RSPO4: variants seen among roughly 807,000 people sequenced by gnomAD.
The protein encoded by RSPO4 is R-spondin-4.
In RSPO4, 23 loss-of-function variants were observed where a neutral mutation model predicts 24.8. The ratio of observed to expected loss-of-function variants is 0.93; its 90% CI spans 0.67 to 1.31. RSPO4 has a LOEUF of 1.31. RSPO4 is among the 40% of genes most tolerant of loss of function. RSPO4 has a pLI of 0.00. For missense variants in RSPO4, 333 were observed against 316.5 expected (o/e 1.05, Z -0.39); for synonymous variants, 141 against 127.4 (o/e 1.11, Z -0.72).
intron 1 of RSPO4, among the ~76,000 whole-genome samples, chr20:989,870 G>A (rs773632971): frequency 3.3e-5 from 5 of 152,204 alleles, no homozygotes; most frequent in Admixed American, 1.3e-4. Context: ...AGCTCTGGCC[G>A]ATTTTCAAAG....
intron 4 of RSPO4, among the ~76,000 whole-genome samples, chr20:960,724 A>T (rs1327152008): frequency 6.6e-6 from 1 of 152,230 alleles, no homozygotes; most frequent in Non-Finnish European, 1.5e-5. Context: ...TGTGCTGGAC[A>T]TCTGGCTCGG....
intron 1 of RSPO4, among the ~76,000 whole-genome samples, chr20:1,001,379 C>T (rs1021544273): frequency 9.2e-5 from 14 of 152,194 alleles, no homozygotes; most frequent in African/African-American, 3.1e-4. Context: ...ACTCTCACAG[C>T]GAGGCTGTGG....
intron 1 of RSPO4, among the ~76,000 whole-genome samples, chr20:992,803 C>T (rs1016324372): frequency 1.3e-5 from 2 of 152,192 alleles, no homozygotes; most frequent in Non-Finnish European, 2.9e-5. Context: ...TTGATGAGCA[C>T]TCCCTATGTA....
Position 963,252 on chromosome 20 carries a change from A to G in RSPO4, c.595+683T>C, listed in dbSNP as rs903001375. ...TTCTCTCACATCGTGCCCCACCCTCACGTAGCTGAAAAGTCTGCTTGCTGG... is the reference window on the plus strand; with the variant it reads ...TTCTCTCACATCGTGCCCCACCCTCGCGTAGCTGAAAAGTCTGCTTGCTGG... On this transcript the variant is annotated intron_variant, in intron 4 of 4. Transcript: ENST00000217260. 2.6e-5 allele frequency among the ~76,000 whole-genome samples: 4 copies of G among 152,078 alleles called. No individual in the cohort carries two copies. In the South Asian group the frequency reaches 8.3e-4, roughly 32 times the overall value.
At chr20:964,599 T>A (rs1984120086) in intron 3 of RSPO4, among the ~76,000 whole-genome samples, 1 of 151,860 alleles carries the variant, frequency 6.6e-6, no homozygotes, top group African/African-American at 2.4e-5. Flanking sequence ...ATCATGTGTC[T>A]TTGATCAACT....
chr20:996,849 C>T lies in RSPO4; in HGVS notation c.79+5237G>A, dbSNP rs1011966849. 6.4e-4 allele frequency among the ~76,000 whole-genome samples: 98 copies of T among 152,170 alleles called. 5 individuals are homozygous for T. Among genetic ancestry groups the T allele is most frequent in the Non-Finnish European group, 1.0e-4 (7 of 68,020 alleles). On this transcript the variant is annotated intron_variant, in intron 1 of 4. Transcript: ENST00000217260. ...GCCACGCAGTCCCTTGTCCCCTCCACCTGGCCACACTCTCTCCTCATCCTG... is the reference window on the plus strand; with the variant it reads ...GCCACGCAGTCCCTTGTCCCCTCCATCTGGCCACACTCTCTCCTCATCCTG...
chr20:1,002,184 C>T lies in RSPO4; in HGVS notation c.-20G>A, dbSNP rs1300940905. On this transcript the variant is annotated 5_prime_UTR_variant, in exon 1 of 5. Coordinates refer to ENST00000217260, the MANE Select transcript of RSPO4 (RefSeq NM_001029871.4). The surrounding 1 kb of genome is among the most constrained non-coding windows in gnomAD (Gnocchi z 4.6). ...CCGCATCTGGGCAGCCGGATCCGGG[C>T]TGGCGCTCCCCAGGCGGCCCGACGG... The T allele has an allele frequency of 6.6e-7, 1 of 1,516,240 alleles. No homozygotes were observed. Among genetic ancestry groups the T allele is most frequent in the Non-Finnish European group, 8.8e-7 (1 of 1,133,244 alleles). 93.9% of individuals were successfully genotyped at this position (1,516,240 alleles called of 1,614,324 possible).
In RSPO4 at chr20:967,249, A is replaced by G. The variant is rs377288758; in HGVS notation, c.334T>C (p.Tyr112His). The change falls in exon 3 of 5, where the codon TAC becomes CAC. Residue 112 changes from tyrosine to histidine, a missense_variant. Physicochemically the swap from Tyr to His is moderately conservative, Grantham distance 83. Coordinates refer to ENST00000217260, the MANE Select transcript of RSPO4 (RefSeq NM_001029871.4). Reference protein sequence around the residue: ...DFCIRCKRQFYLYKGKCLPTC... With the variant: ...DFCIRCKRQFHLYKGKCLPTC... Reference sequence around the variant, plus strand: ...GGCAGACACTTCCCCTTGTACAAGTAAAACTGCCTCTTGCACCGGATGCAG... The same window carrying G: ...GGCAGACACTTCCCCTTGTACAAGTGAAACTGCCTCTTGCACCGGATGCAG... 9.9e-6 allele frequency: 16 copies of G among 1,614,078 alleles called. No individual in the cohort carries two copies. In the African/African-American group the frequency reaches 1.9e-4, roughly 19 times the overall value.
intron 1 of RSPO4, among the ~76,000 whole-genome samples, chr20:997,184 T>G (rs939204135): frequency 6.6e-6 from 1 of 152,170 alleles, no homozygotes; most frequent in Non-Finnish European, 1.5e-5. Context: ...TCCTGGCACA[T>G]GGCCCGCCTC....
rs1221947548 is a variant in RSPO4 at position 971,842 on chromosome 20, C to A, written c.80-3704G>T. On this transcript the variant is annotated intron_variant, in intron 1 of 4. Coordinates refer to ENST00000217260, the MANE Select transcript of RSPO4 (RefSeq NM_001029871.4). ...ATGCATAAAGAACAAAAGAATTTAGCCTCTACTGTGTCCTGGGGCAGGAGG... is the reference window on the plus strand; with the variant it reads ...ATGCATAAAGAACAAAAGAATTTAGACTCTACTGTGTCCTGGGGCAGGAGG... Among the ~76,000 whole-genome samples, 3 of 152,242 alleles carry A rather than the reference C, an allele frequency of 2.0e-5. No individual in the cohort carries two copies. The East Asian group carries it at 5.8e-4, about 29-fold the overall frequency.
intron 1 of RSPO4, among the ~76,000 whole-genome samples, chr20:980,058 T>C (rs1216931252): frequency 6.6e-6 from 1 of 152,188 alleles, no homozygotes; most frequent in African/African-American, 2.4e-5. Flanking sequence ...GTTTTATAGC[T>C]GCTTACCATT....
At position 973,163 on chromosome 20, in the gene RSPO4, C is replaced by A. The variant is rs367906823; in HGVS notation, c.80-5025G>T. On this transcript the variant is annotated intron_variant, in intron 1 of 4. Transcript: ENST00000217260. Reference sequence around the variant, plus strand: ...TCCTGTGTCAGGCAGAGCCTGGGGCCATGGGGGTGAGCCACGCATGGCCCC... The same window carrying A: ...TCCTGTGTCAGGCAGAGCCTGGGGCAATGGGGGTGAGCCACGCATGGCCCC... Among the ~76,000 whole-genome samples, 263 of 148,890 alleles carry A rather than the reference C, an allele frequency of 1.8e-3. 2 individuals are homozygous for A. Among genetic ancestry groups the A allele is most frequent in the African/African-American group, 5.9e-3 (246 of 41,528 alleles).
chr20:983,070 G>T (rs951368112), intron 1 of RSPO4, among the ~76,000 whole-genome samples: 3 of 152,272 alleles, frequency 2.0e-5, no homozygotes, highest in African/African-American at 7.2e-5. Flanking sequence ...GGAGCTGAAA[G>T]CTCGTTGATT....
At chr20:996,933 C>A (rs774880050) in intron 1 of RSPO4, among the ~76,000 whole-genome samples, 1 of 152,194 alleles carries the variant, frequency 6.6e-6, no homozygotes, top group Non-Finnish European at 1.5e-5. Flanking sequence ...CTACTCCCCC[C>A]GATGGGGTTC....
intron 2 of RSPO4, 45 bp from the exon 3 acceptor site, chr20:967,359 G>T: frequency 1.2e-6 from 2 of 1,609,610 alleles, no homozygotes; most frequent in South Asian, 1.1e-5. Flanking sequence ...GACTGCCAAG[G>T]ATGGGGCCCA....
At chr20:976,473 G>T (rs534423262) in intron 1 of RSPO4, among the ~76,000 whole-genome samples, 1 of 152,212 alleles carries the variant, frequency 6.6e-6, no homozygotes, top group East Asian at 1.9e-4. Context: ...TTCAAATAAG[G>T]GTCCCTAAGC....
chr20:967,750 T>C (rs1245809338), intron 2 of RSPO4, among the ~76,000 whole-genome samples, 200 bp downstream of exon 2: 1 of 152,268 alleles, frequency 6.6e-6, no homozygotes, highest in Non-Finnish European at 1.5e-5. Flanking sequence ...TTGCCTGTTC[T>C]ATTAGTGCTA....
At chr20:990,324 A>G (rs1985056507) in intron 1 of RSPO4, among the ~76,000 whole-genome samples, 1 of 152,184 alleles carries the variant, frequency 6.6e-6, no homozygotes, top group Non-Finnish European at 1.5e-5. Flanking sequence ...GGCTACTCCA[A>G]GTGCCTTTAG....
chr20:995,956 T>C (rs1451048461), intron 1 of RSPO4, among the ~76,000 whole-genome samples: 1 of 152,218 alleles, frequency 6.6e-6, no homozygotes, highest in East Asian at 1.9e-4. Context: ...CCCATTCACA[T>C]ATATGTGTAA....
Sources: allele counts gnomAD v4.1 joint callset (sites outside exome capture counted in the v4.1 genomes callset), GRCh38; gene constraint gnomAD v4.1.1; non-coding constraint Gnocchi (gnomAD v3.1); transcripts MANE v1.5; gene names NCBI Gene and HGNC (gene_info 2026-07-23, HGNC 2026-07-21).